CACNG2: variants seen among roughly 807,000 people sequenced by gnomAD.
CACNG2 encodes voltage-dependent calcium channel gamma-2 subunit.
CACNG2 carries 3 observed loss-of-function variants against 25.9 expected under a neutral mutation model. The ratio of observed to expected loss-of-function variants is 0.12; its 90% CI spans 0.05 to 0.30. The LOEUF (loss-of-function observed/expected upper bound fraction) is 0.30, where lower values mean the gene tolerates loss of function less well. CACNG2 is among the 10% of genes least tolerant of loss of function. CACNG2 has a pLI of 1.00. For missense variants in CACNG2, 341 were observed against 432.5 expected (o/e 0.79, Z 1.88); for synonymous variants, 167 against 173.3 (o/e 0.96, Z 0.29).
intron 1 of CACNG2, among the ~76,000 whole-genome samples, chr22:36,643,689 C>T (rs748151677): frequency 3.9e-5 from 6 of 152,112 alleles, no homozygotes; most frequent in Admixed American, 3.9e-4. Flanking sequence ...TCTGTGCAAC[C>T]GAAGCTCCCT....
At chr22:36,618,747 C>T (rs537868127) in intron 1 of CACNG2, among the ~76,000 whole-genome samples, 25 of 152,062 alleles carry the variant, frequency 1.6e-4, no homozygotes, top group African/African-American at 4.8e-4. Context: ...GGTGAAACCC[C>T]GTCTCTACTA....
At chr22:36,673,940 C>T (rs892781378) in intron 1 of CACNG2, among the ~76,000 whole-genome samples, 1 of 152,162 alleles carries the variant, frequency 6.6e-6, no homozygotes, top group South Asian at 2.1e-4. Context: ...TAATTGAGGG[C>T]GGCCGGGGTG....
At chr22:36,602,448 C>G (rs5756254) in intron 1 of CACNG2, among the ~76,000 whole-genome samples, 1 of 151,998 alleles carries the variant, frequency 6.6e-6, no homozygotes, top group Admixed American at 6.6e-5. Context: ...TGCAGTGGTG[C>G]GATCTCGGCT....
At chr22:36,671,415 C>T (rs1936947217) in intron 1 of CACNG2, among the ~76,000 whole-genome samples, 1 of 152,160 alleles carries the variant, frequency 6.6e-6, no homozygotes, top group Non-Finnish European at 1.5e-5. Context: ...AGCTGATTGG[C>T]TTAAATAATT....
intron 1 of CACNG2, among the ~76,000 whole-genome samples, chr22:36,651,224 CTTTTTTTTTTTTTT>C (rs11411019): frequency 2.4e-5 from 2 of 83,112 alleles, no homozygotes; most frequent in South Asian, 5.1e-4. Context: ...CTTCTTCCTC[CTTTTTTTTTTTTTT>C]TTTTTTTTTT....
At chr22:36,676,018 G>A (rs1466221027) in intron 1 of CACNG2, among the ~76,000 whole-genome samples, 1 of 152,150 alleles carries the variant, frequency 6.6e-6, no homozygotes, top group African/African-American at 2.4e-5. Context: ...TGGCCACAGG[G>A]CTGGTGAGAA....
intron 2 of CACNG2, among the ~76,000 whole-genome samples, chr22:36,568,601 C>T (rs1244971268): frequency 4.0e-5 from 6 of 151,838 alleles, no homozygotes; most frequent in Admixed American, 1.3e-4. Context: ...GACGGGGTTT[C>T]GCTATGTTGG....
chr22:36,579,234 G>C (rs1393582590), intron 2 of CACNG2, among the ~76,000 whole-genome samples: 1 of 151,780 alleles, frequency 6.6e-6, no homozygotes, highest in African/African-American at 2.4e-5. Flanking sequence ...GTAAAAACCC[G>C]TCTCTACTAA....
At chr22:36,572,122 G>T (rs1435871735) in intron 2 of CACNG2, among the ~76,000 whole-genome samples, 1 of 152,122 alleles carries the variant, frequency 6.6e-6, no homozygotes, top group Non-Finnish European at 1.5e-5. Context: ...AATATTTACT[G>T]GTCTCCTATG....
At chr22:36,594,703 CTG>C (rs572139819) in intron 1 of CACNG2, among the ~76,000 whole-genome samples, 37 of 144,936 alleles carry the variant, frequency 2.6e-4, no homozygotes, top group South Asian at 4.5e-4. Flanking sequence ...GTGTGTGTGT[CTG>C]TGTGTGTGTG....
intron 1 of CACNG2, among the ~76,000 whole-genome samples, chr22:36,648,621 G>A (rs1936563822): frequency 6.6e-6 from 1 of 152,162 alleles, no homozygotes; most frequent in Non-Finnish European, 1.5e-5. Flanking sequence ...GCCCCTGAGT[G>A]AACATCCATT....
chr22:36,579,039 C>T (rs930788567), intron 2 of CACNG2, among the ~76,000 whole-genome samples: 1 of 152,168 alleles, frequency 6.6e-6, no homozygotes, highest in Non-Finnish European at 1.5e-5. Context: ...ATGTTTGCCC[C>T]ATCTGCCAGC....
At chr22:36,611,774 G>A (rs888332649) in intron 1 of CACNG2, among the ~76,000 whole-genome samples, 4 of 152,138 alleles carry the variant, frequency 2.6e-5, no homozygotes, top group South Asian at 2.1e-4. Flanking sequence ...GGTCAGGACC[G>A]AGGCCTCAGC....
At chr22:36,644,935 T>C (rs1181441718) in intron 1 of CACNG2, among the ~76,000 whole-genome samples, 1 of 152,182 alleles carries the variant, frequency 6.6e-6, no homozygotes, top group Non-Finnish European at 1.5e-5. Context: ...TGCAGTCCCA[T>C]TGGATGCTGT....
intron 2 of CACNG2, among the ~76,000 whole-genome samples, chr22:36,570,619 C>G (rs373752467): frequency 6.6e-6 from 1 of 152,004 alleles, no homozygotes; most frequent in African/African-American, 2.4e-5. Context: ...AAAAATTAGC[C>G]GGGCATGGTG....
At chr22:36,616,234 T>G (rs5756264) in intron 1 of CACNG2, among the ~76,000 whole-genome samples, 13,333 of 152,242 alleles carry the variant, frequency 0.088, 796 homozygotes, top group East Asian at 0.23. Flanking sequence ...CTTAGAGAAG[T>G]GCCTGATACA....
chr22:36,571,149 T>C (rs1327995641), intron 2 of CACNG2, among the ~76,000 whole-genome samples: 2 of 152,248 alleles, frequency 1.3e-5, no homozygotes, highest in South Asian at 2.1e-4. Context: ...CCCAGCGGCA[T>C]TGGCATCTGA....
In CACNG2 at chr22:36,575,821, C is replaced by T. The variant is rs532602713; in HGVS notation, c.296-9328G>A. ...TCACCGTAATCAGGTATGTAGCGGG[C>T]AGGTTCCTCATTTTCTGTGCCTAGT... On this transcript the variant is annotated intron_variant, in intron 2 of 3. Transcript: ENST00000300105. Among the ~76,000 whole-genome samples the T allele has an allele frequency of 2.0e-5, 3 of 152,312 alleles. No individual in the cohort carries two copies. In the East Asian group the frequency reaches 5.8e-4, roughly 29 times the overall value.
intron 1 of CACNG2, among the ~76,000 whole-genome samples, chr22:36,689,214 G>A (rs1054444915): frequency 1.3e-5 from 2 of 152,062 alleles, no homozygotes; most frequent in African/African-American, 2.4e-5. Flanking sequence ...CAGAGCAGGG[G>A]CGTGTCTTCT....
Sources: allele counts gnomAD v4.1 joint callset (sites outside exome capture counted in the v4.1 genomes callset), GRCh38; gene constraint gnomAD v4.1.1; transcripts MANE v1.5; gene names NCBI Gene and HGNC (gene_info 2026-07-23, HGNC 2026-07-21).